Variants in ERBB4 observed in about 807,000 individuals in gnomAD.
The protein encoded by ERBB4 is erb-b2 receptor tyrosine kinase 4, also known as receptor tyrosine-protein kinase erbB-4.
A neutral mutation model predicts 158.0 loss-of-function variants in ERBB4; 42 were observed. That is an observed-to-expected ratio of 0.27 (90% confidence interval 0.21 to 0.34). The LOEUF (loss-of-function observed/expected upper bound fraction) is 0.34. Among genes scored for constraint, ERBB4 ranks in the 10% least tolerant of loss-of-function variants. The pLI is 1.00. For missense variants in ERBB4, 1,333 were observed against 1,624.1 expected (o/e 0.82, Z 3.08); for synonymous variants, 583 against 558.7 (o/e 1.04, Z -0.61).
intron 1 of ERBB4, among the ~76,000 whole-genome samples, chr2:212,135,295 T>G (rs2080238355): frequency 6.6e-6 from 1 of 152,148 alleles, no homozygotes; most frequent in South Asian, 2.1e-4. Context: ...TACCTCAAAA[T>G]TATACATGAT....
At chr2:212,191,920 T>A (rs2082254309) in intron 1 of ERBB4, among the ~76,000 whole-genome samples, 1 of 144,540 alleles carries the variant, frequency 6.9e-6, no homozygotes, top group African/African-American at 2.5e-5. Context: ...ATATGTTATA[T>A]ATGTTATATA....
chr2:212,519,835 AGTTCTAGTGTTCTGTAGCAAT>A (rs1462159009), intron 1 of ERBB4, among the ~76,000 whole-genome samples: 1 of 151,976 alleles, frequency 6.6e-6, no homozygotes, highest in Non-Finnish European at 1.5e-5. Context: ...ATAGGAATAA[AGTTCTAGTGTTCTGTAGCAAT>A]GCAGAGTAAA....
intron 2 of ERBB4, among the ~76,000 whole-genome samples, chr2:212,066,414 C>A (rs1313983862): frequency 6.6e-6 from 1 of 151,690 alleles, no homozygotes; most frequent in Non-Finnish European, 1.5e-5. Context: ...GTAAGGACCC[C>A]GGGAAGTACA....
intron 1 of ERBB4, among the ~76,000 whole-genome samples, chr2:212,444,476 G>C (rs1277440061): frequency 1.3e-5 from 2 of 152,178 alleles, no homozygotes. Flanking sequence ...CTGGGGAAGA[G>C]GTATGTGGGT....
At chr2:211,727,777 C>A (rs1323554239) in intron 5 of ERBB4, among the ~76,000 whole-genome samples, 1 of 151,800 alleles carries the variant, frequency 6.6e-6, no homozygotes, top group Admixed American at 6.6e-5. Context: ...ATTAATTATT[C>A]TCTATGTAGT....
rs531681102 is a variant in ERBB4 at position 211,392,737 on chromosome 2, C to T, written c.3136-4745G>A. Among the ~76,000 whole-genome samples the T allele has an allele frequency of 6.8e-3, 1,035 of 152,122 alleles. 14 individuals carry two copies. The highest frequency in any genetic ancestry group is 0.02 in the South Asian group (98 of 4,816). The stretch of plus-strand genomic sequence containing the variant: ...AGGCTGGAGTGCAGTGGCGTGATCT[C>T]GGCTCACTGCAGTCTCTGCCTCCCG... On this transcript the variant is annotated intron_variant, in intron 25 of 27. Coordinates refer to ENST00000342788, the MANE Select transcript of ERBB4 (RefSeq NM_005235.3).
At chr2:211,619,995 G>T (rs112404052) in intron 18 of ERBB4, among the ~76,000 whole-genome samples, 2,266 of 152,078 alleles carry the variant, frequency 0.015, 26 homozygotes, top group Middle Eastern at 0.044. Flanking sequence ...TATAATATCT[G>T]AACAGGATTT....
chr2:211,481,063 C>T (rs80031244), intron 20 of ERBB4, among the ~76,000 whole-genome samples: 123 of 152,236 alleles, frequency 8.1e-4, no homozygotes, highest in African/African-American at 2.9e-3. Context: ...ACCAATTACA[C>T]ACCTATAGTA....
intron 20 of ERBB4, among the ~76,000 whole-genome samples, chr2:211,466,347 T>TC (rs2064688093): frequency 7.2e-6 from 1 of 139,658 alleles, no homozygotes; most frequent in African/African-American, 2.8e-5. Flanking sequence ...TTTTTTTTTT[T>TC]TTAAAAAAAA....
At chr2:212,038,361 A>T (rs962542083) in intron 2 of ERBB4, among the ~76,000 whole-genome samples, 1 of 152,124 alleles carries the variant, frequency 6.6e-6, no homozygotes, top group Non-Finnish European at 1.5e-5. Context: ...TTATAATTCT[A>T]GTCAAATATG....
At chr2:212,095,583 T>G (rs2078903660) in intron 2 of ERBB4, among the ~76,000 whole-genome samples, 2 of 152,204 alleles carry the variant, frequency 1.3e-5, no homozygotes, top group South Asian at 4.1e-4. Context: ...TAATGAAGTT[T>G]AATTGGAATC....
intron 20 of ERBB4, among the ~76,000 whole-genome samples, chr2:211,501,341 ATGAAAT>A (rs943366867): frequency 1.3e-5 from 2 of 151,852 alleles, no homozygotes; most frequent in African/African-American, 4.8e-5. Context: ...AACTAGAGGA[ATGAAAT>A]TGGAATGGTC....
At chr2:212,245,013 C>T (rs921967286) in intron 1 of ERBB4, among the ~76,000 whole-genome samples, 3 of 151,928 alleles carry the variant, frequency 2.0e-5, no homozygotes, top group African/African-American at 7.3e-5. Flanking sequence ...AAGTGCAGAG[C>T]CAGGATTTGA....
intron 19 of ERBB4, among the ~76,000 whole-genome samples, chr2:211,590,219 T>G (rs746243899): frequency 3.9e-5 from 6 of 152,210 alleles, no homozygotes; most frequent in Non-Finnish European, 7.3e-5. Context: ...ACCTCCAAGC[T>G]GTCCTTATTC....
At chr2:211,426,007 A>G (rs2063618483) in intron 22 of ERBB4, among the ~76,000 whole-genome samples, 1 of 152,182 alleles carries the variant, frequency 6.6e-6, no homozygotes, top group Non-Finnish European at 1.5e-5. Flanking sequence ...TAAGGAGAAC[A>G]CTTTATTAAC....
intron 3 of ERBB4, among the ~76,000 whole-genome samples, chr2:211,835,628 C>G (rs943073438): frequency 3.3e-5 from 5 of 152,098 alleles, no homozygotes; most frequent in Admixed American, 3.3e-4. Flanking sequence ...TAATGAAAAA[C>G]ATCATTTCCA....
intron 2 of ERBB4, among the ~76,000 whole-genome samples, chr2:212,035,377 T>C (rs745476332): frequency 1.3e-5 from 2 of 152,196 alleles, no homozygotes; most frequent in Non-Finnish European, 2.9e-5. Context: ...TGACTTTGCA[T>C]CTGCTAGTTC....
chr2:212,376,675 T>G (rs1256301877), intron 1 of ERBB4, among the ~76,000 whole-genome samples: 1 of 152,072 alleles, frequency 6.6e-6, no homozygotes. Flanking sequence ...ACTCATTTTC[T>G]TCAGTTAATG....
rs1350080603 is a variant in ERBB4 at position 211,750,822 on chromosome 2, A to T, written c.557-118T>A. 1.2e-5 allele frequency: 11 copies of T among 892,132 alleles called. No individual in the cohort carries two copies. In the East Asian group the frequency reaches 2.8e-4, roughly 22 times the overall value. The allele number at this position is 892,132 out of a possible 1,614,324, so 55.3% of individuals were successfully genotyped here. On this transcript the variant is annotated intron_variant, in intron 4 of 27. Transcript: ENST00000342788. ...TTTATGAGGATTTTTATGTCATACT[A>T]GAGCTGAAACATAGCCCATAAAATG...
Sources: allele counts gnomAD v4.1 joint callset (sites outside exome capture counted in the v4.1 genomes callset), GRCh38; gene constraint gnomAD v4.1.1; transcripts MANE v1.5; gene names NCBI Gene and HGNC (gene_info 2026-07-23, HGNC 2026-07-21).